RBFOX2: variants seen among roughly 807,000 people sequenced by gnomAD.
RBFOX2 encodes RNA binding fox-1 homolog 2, also known as RNA binding protein fox-1 homolog 2.
Under a neutral mutation model 49.1 loss-of-function variants are expected in RBFOX2, and 10 were observed. The observed-to-expected ratio is 0.20, with a 90% CI of 0.13 to 0.35. RBFOX2 has a LOEUF of 0.35. RBFOX2 is among the 10% of genes least tolerant of loss of function. RBFOX2 has a pLI of 1.00. For missense variants in RBFOX2, 323 were observed against 486.9 expected (o/e 0.66, Z 3.17); for synonymous variants, 183 against 187.4 (o/e 0.98, Z 0.19).
At chr22:35,812,583 T>C (rs1056373806) in intron 1 of RBFOX2, among the ~76,000 whole-genome samples, 10 of 152,294 alleles carry the variant, frequency 6.6e-5, no homozygotes, top group African/African-American at 1.2e-4. Context: ...TGAAAAAGAA[T>C]TGAATTGGAA....
At chr22:35,824,190 C>T (rs1233243693) in intron 1 of RBFOX2, 2 of 151,922 alleles carry the variant, frequency 1.3e-5, no homozygotes, top group Admixed American at 1.3e-4. Flanking sequence ...TGCTGTAAGT[C>T]ACAGTCCTAA....
At chr22:35,950,089 T>C (rs2054741650) in intron 1 of RBFOX2, among the ~76,000 whole-genome samples, 1 of 151,622 alleles carries the variant, frequency 6.6e-6, no homozygotes, top group Non-Finnish European at 1.5e-5. Flanking sequence ...AATTTTGGTA[T>C]TGATGTAAGG....
At chr22:35,837,770 C>G (rs1441047117) in intron 1 of RBFOX2, among the ~76,000 whole-genome samples, 3 of 152,190 alleles carry the variant, frequency 2.0e-5, no homozygotes, top group Non-Finnish European at 4.4e-5. Context: ...TTAGCACATC[C>G]TGATAAAACA....
chr22:35,881,130 T>C (rs1001731670), intron 1 of RBFOX2, among the ~76,000 whole-genome samples: 1 of 151,972 alleles, frequency 6.6e-6, no homozygotes, highest in Admixed American at 6.5e-5. Flanking sequence ...CTGGGCGTGG[T>C]GGCGGGCGCC....
intron 1 of RBFOX2, among the ~76,000 whole-genome samples, chr22:36,025,481 G>A (rs1244623861): frequency 6.6e-6 from 1 of 151,886 alleles, no homozygotes; most frequent in East Asian, 1.9e-4. Flanking sequence ...TTCAATATTA[G>A]TTCCATGACA....
intron 2 of RBFOX2, among the ~76,000 whole-genome samples, chr22:35,792,089 G>C (rs940595259): frequency 3.3e-5 from 5 of 152,000 alleles, no homozygotes; most frequent in African/African-American, 1.2e-4. Flanking sequence ...GGCTGAGGCA[G>C]GTGGATCACT....
intron 1 of RBFOX2, among the ~76,000 whole-genome samples, chr22:36,009,498 C>T (rs943224132): frequency 6.6e-5 from 10 of 152,236 alleles, no homozygotes; most frequent in African/African-American, 9.6e-5. Flanking sequence ...CTCAGCCTAC[C>T]GAGTAGCTGG....
chr22:35,768,375 A>C, intron 4 of RBFOX2, 26 bp from the exon 6 acceptor site: 1 of 1,567,652 alleles, frequency 6.4e-7, no homozygotes, highest in Non-Finnish European at 8.8e-7. Flanking sequence ...GAAGGGGGGA[A>C]AACATGCACA....
At chr22:36,001,184 T>TACACACAC (rs57905429) in intron 1 of RBFOX2, among the ~76,000 whole-genome samples, 7 of 133,594 alleles carry the variant, frequency 5.2e-5, no homozygotes, top group Non-Finnish European at 9.7e-5. Context: ...CCCCAAAACA[T>TACACACAC]ACACACACAC....
At chr22:35,793,169 C>T (rs1050423601) in intron 2 of RBFOX2, among the ~76,000 whole-genome samples, 5 of 152,324 alleles carry the variant, frequency 3.3e-5, no homozygotes, top group Middle Eastern at 3.4e-3. Context: ...GTCAGGAGTT[C>T]GAGACCAGCC....
chr22:35,979,273 G>A (rs2150052566), intron 1 of RBFOX2, among the ~76,000 whole-genome samples: 1 of 152,310 alleles, frequency 6.6e-6, no homozygotes, highest in Non-Finnish European at 1.5e-5. Context: ...GAGGCGACAT[G>A]CAACTAAATG....
chr22:35,966,470 A>G (rs1210738199), upstream of RBFOX2, among the ~76,000 whole-genome samples: 1 of 152,226 alleles, frequency 6.6e-6, no homozygotes, highest in Non-Finnish European at 1.5e-5. Context: ...TGAGGGTTCC[A>G]GATGCTGAAC....
At chr22:35,978,913 T>C (rs5756027) in intron 1 of RBFOX2, among the ~76,000 whole-genome samples, 11,913 of 152,254 alleles carry the variant, frequency 0.078, 480 homozygotes, top group African/African-American at 0.087. Context: ...GTTAGGTATA[T>C]ATCTGTTGAG....
At chr22:35,812,990 C>T (rs1952221145) in intron 1 of RBFOX2, among the ~76,000 whole-genome samples, 1 of 152,160 alleles carries the variant, frequency 6.6e-6, no homozygotes, top group Admixed American at 6.5e-5. Context: ...AGCCTAGGCA[C>T]TAGGCGTTTT....
intron 2 of RBFOX2, among the ~76,000 whole-genome samples, chr22:35,782,568 G>C (rs768422179): frequency 6.6e-6 from 1 of 152,176 alleles, no homozygotes; most frequent in African/African-American, 2.4e-5. Flanking sequence ...TGATCCGCCC[G>C]CCTTGGCCTT....
chr22:35,948,520 T>C (rs2054568818), intron 1 of RBFOX2, among the ~76,000 whole-genome samples: 1 of 151,840 alleles, frequency 6.6e-6, no homozygotes, highest in Admixed American at 6.6e-5. Flanking sequence ...CCTGGGTCTA[T>C]AAGAAATAAT....
chr22:35,787,180 C>G (rs921068347), intron 2 of RBFOX2, among the ~76,000 whole-genome samples: 1 of 152,106 alleles, frequency 6.6e-6, no homozygotes, highest in African/African-American at 2.4e-5. Flanking sequence ...GCTGGGACTA[C>G]AGGTGCGAGC....
intron 1 of RBFOX2, among the ~76,000 whole-genome samples, chr22:36,005,448 T>C (rs1327686616): frequency 6.6e-6 from 1 of 152,262 alleles, no homozygotes; most frequent in East Asian, 1.9e-4. Flanking sequence ...GACAGAACAC[T>C]GACGGCAATG....
At chr22:35,888,984 A>G (rs373403518) in intron 1 of RBFOX2, among the ~76,000 whole-genome samples, 9 of 152,166 alleles carry the variant, frequency 5.9e-5, no homozygotes, top group Middle Eastern at 3.4e-3. Flanking sequence ...GTGAAACTCC[A>G]TATCTATTAA....
Sources: allele counts gnomAD v4.1 joint callset (sites outside exome capture counted in the v4.1 genomes callset), GRCh38; gene constraint gnomAD v4.1.1; transcripts MANE v1.5; gene names NCBI Gene and HGNC (gene_info 2026-07-23, HGNC 2026-07-21).